The following KCNIP4 variants were observed in gnomAD, a reference collection of about 807,000 sequenced individuals.
The protein encoded by KCNIP4 is Kv channel-interacting protein 4.
A neutral mutation model predicts 34.0 loss-of-function variants in KCNIP4; 12 were observed. The observed-to-expected ratio is 0.35, with a 90% confidence interval of 0.23 to 0.57. KCNIP4 has a LOEUF of 0.57. KCNIP4 is among the 20% of genes least tolerant of loss of function. KCNIP4 has a pLI of 0.83. For missense variants in KCNIP4, 238 were observed against 311.7 expected (o/e 0.76, Z 1.78); for synonymous variants, 124 against 102.2 (o/e 1.21, Z -1.29).
chr4:20,853,226 C>A (rs964816649), intron 2 of KCNIP4, among the ~76,000 whole-genome samples: 3 of 152,166 alleles, frequency 2.0e-5, no homozygotes, highest in African/African-American at 4.8e-5. Flanking sequence ...CATCATACTA[C>A]CTGATTTCAA....
chr4:20,746,140 A>T (rs1018411078), intron 5 of KCNIP4, among the ~76,000 whole-genome samples: 1 of 152,208 alleles, frequency 6.6e-6, no homozygotes, highest in Non-Finnish European at 1.5e-5. Context: ...ATGTCCATCA[A>T]TAATACACTG....
intron 1 of KCNIP4, among the ~76,000 whole-genome samples, chr4:21,156,087 GTAATAA>G (rs776717238): frequency 2.0e-5 from 3 of 152,028 alleles, no homozygotes; most frequent in Non-Finnish European, 4.4e-5. Flanking sequence ...TATTGATTAA[GTAATAA>G]TAATAATAAC....
At chr4:21,682,072 A>G (rs1750405992) in intron 1 of KCNIP4, among the ~76,000 whole-genome samples, 2 of 151,884 alleles carry the variant, frequency 1.3e-5, no homozygotes, top group African/African-American at 4.8e-5. Flanking sequence ...TTGTAATTTT[A>G]GTAGAGACAG....
chr4:21,574,234 G>A (rs1165757706), intron 1 of KCNIP4, among the ~76,000 whole-genome samples: 2 of 152,132 alleles, frequency 1.3e-5, no homozygotes, highest in Non-Finnish European at 2.9e-5. Flanking sequence ...AGTTTATCGT[G>A]TACCTGAAAT....
At chr4:21,886,021 G>C (rs913162596) in intron 1 of KCNIP4, among the ~76,000 whole-genome samples, 1 of 152,004 alleles carries the variant, frequency 6.6e-6, no homozygotes, top group Non-Finnish European at 1.5e-5. Flanking sequence ...TGTGGATAAG[G>C]CTTGTGGATT....
chr4:20,740,949 C>A (rs1196053591), intron 5 of KCNIP4, among the ~76,000 whole-genome samples: 3 of 151,920 alleles, frequency 2.0e-5, no homozygotes, highest in Non-Finnish European at 4.4e-5. Context: ...AGACATTAAA[C>A]CAACAAAGAT....
chr4:21,343,598 G>A (rs1001415234), intron 1 of KCNIP4, among the ~76,000 whole-genome samples: 5 of 152,020 alleles, frequency 3.3e-5, no homozygotes. Context: ...TCTTTACCAG[G>A]ATCCATGAGC....
chr4:21,677,066 G>A (rs936515273), intron 1 of KCNIP4, among the ~76,000 whole-genome samples: 3 of 150,236 alleles, frequency 2.0e-5, no homozygotes, highest in African/African-American at 7.3e-5. Flanking sequence ...CAGAGATATA[G>A]ATTATGAAAG....
At chr4:21,305,992 A>G (rs1316591017) in intron 1 of KCNIP4, among the ~76,000 whole-genome samples, 1 of 152,212 alleles carries the variant, frequency 6.6e-6, no homozygotes. Flanking sequence ...TTGCTAATCT[A>G]GATAGTCACT....
chr4:21,191,394 A>G (rs555093336), intron 1 of KCNIP4, among the ~76,000 whole-genome samples: 1 of 152,368 alleles, frequency 6.6e-6, no homozygotes, highest in South Asian at 2.1e-4. Flanking sequence ...TCAATTGCCT[A>G]TAGTTTAATG....
At chr4:21,933,951 A>G (rs928537352) in intron 1 of KCNIP4, among the ~76,000 whole-genome samples, 4 of 152,132 alleles carry the variant, frequency 2.6e-5, no homozygotes, top group Admixed American at 2.6e-4. Flanking sequence ...CCAACAATTA[A>G]TTAAAACTGC....
intron 1 of KCNIP4, among the ~76,000 whole-genome samples, chr4:21,706,227 C>T (rs1319915212): frequency 6.6e-6 from 1 of 152,102 alleles, no homozygotes; most frequent in Admixed American, 6.6e-5. Flanking sequence ...TGAGCAAAGC[C>T]ACTGTCATTT....
At chr4:20,750,410 CA>C (rs371829351) in intron 4 of KCNIP4, among the ~76,000 whole-genome samples, 8 of 152,126 alleles carry the variant, frequency 5.3e-5, no homozygotes, top group African/African-American at 1.9e-4. Flanking sequence ...GGTGGTCCTA[CA>C]TGTTCCTAGT....
At chr4:21,829,725 C>T (rs1289305392) in intron 1 of KCNIP4, among the ~76,000 whole-genome samples, 1 of 151,488 alleles carries the variant, frequency 6.6e-6, no homozygotes, top group Non-Finnish European at 1.5e-5. Flanking sequence ...TAAAAATTAA[C>T]GTAATAGCAG....
intron 1 of KCNIP4, among the ~76,000 whole-genome samples, chr4:21,371,223 A>G (rs79952501): frequency 0.011 from 1,614 of 146,162 alleles, 45 homozygotes; most frequent in Non-Finnish European, 0.017. Flanking sequence ...AAATATTCCA[A>G]TAAGTTTCAC....
intron 3 of KCNIP4, among the ~76,000 whole-genome samples, chr4:20,797,756 G>A (rs936943089): frequency 5.3e-5 from 8 of 152,142 alleles, no homozygotes; most frequent in African/African-American, 1.9e-4. Context: ...CCCTGGCTGT[G>A]GGTCGGCAGG....
chr4:21,460,098 C>T (rs1330001784), intron 1 of KCNIP4, among the ~76,000 whole-genome samples: 1 of 116,478 alleles, frequency 8.6e-6, no homozygotes, highest in East Asian at 2.1e-4. Context: ...CAAAATCTGC[C>T]CCCCGCCCCC....
intron 1 of KCNIP4, among the ~76,000 whole-genome samples, chr4:21,293,076 C>T (rs1163489737): frequency 6.6e-6 from 1 of 152,118 alleles, no homozygotes; most frequent in Non-Finnish European, 1.5e-5. Context: ...GGATAGATAA[C>T]CATATGTAAA....
At chr4:21,909,128 T>G (rs1378801627) in intron 1 of KCNIP4, among the ~76,000 whole-genome samples, 1 of 152,094 alleles carries the variant, frequency 6.6e-6, no homozygotes, top group Non-Finnish European at 1.5e-5. Context: ...ATATCAATAG[T>G]TTATTACTGG....
Sources: gnomAD v4.1 joint callset for allele counts (sites outside exome capture counted in the v4.1 genomes callset) on GRCh38, gnomAD v4.1.1 for gene constraint, MANE v1.5 for transcripts, NCBI Gene and HGNC (gene_info 2026-07-23, HGNC 2026-07-21) for gene names.